The following TM9SF3 variants were observed in gnomAD, a reference collection of about 807,000 sequenced individuals.
TM9SF3 encodes the protein SM-11044-binding protein.
TM9SF3 carries 14 observed loss-of-function variants against 78.6 expected under a neutral mutation model. That is an observed-to-expected ratio of 0.18 (90% CI 0.12 to 0.28). TM9SF3 has a LOEUF of 0.28. Ranked by LOEUF, TM9SF3 falls within the 10% of genes least tolerant of loss-of-function variation. The pLI, the probability that TM9SF3 is intolerant of heterozygous loss-of-function variation, is 1.00. For missense variants in TM9SF3, 496 were observed against 721.9 expected (o/e 0.69, Z 3.59); for synonymous variants, 231 against 241.7 (o/e 0.96, Z 0.41).
intron 1 of TM9SF3, among the ~76,000 whole-genome samples, chr10:96,582,586 A>G (rs1848582850): frequency 6.6e-6 from 1 of 152,210 alleles, no homozygotes; most frequent in South Asian, 2.1e-4. Flanking sequence ...AGTTATTAAA[A>G]GCCTGTCTTC....
chr10:96,536,760 A>G (rs576291203), intron 9 of TM9SF3, among the ~76,000 whole-genome samples: 2 of 152,312 alleles, frequency 1.3e-5, no homozygotes, highest in South Asian at 4.2e-4. Flanking sequence ...TACTTAAAGA[A>G]TAGCAAATAC....
Position 96,526,658 on chromosome 10 carries a change from A to C in TM9SF3, c.1702+555T>G, listed in dbSNP as rs866655305. Among the ~76,000 whole-genome samples, 32 of 152,248 alleles carry C rather than the reference A, an allele frequency of 2.1e-4. No homozygotes were observed. The Middle Eastern group carries it at 0.02, about 97-fold the overall frequency. ...GCTTGGGGAACTAGATCAAGGTGGAAAGCATACATATGGTACAGCTAGAAC... is the reference window on the plus strand; with the variant it reads ...GCTTGGGGAACTAGATCAAGGTGGACAGCATACATATGGTACAGCTAGAAC... On this transcript the variant is annotated intron_variant, in intron 14 of 14. Coordinates refer to ENST00000371142, the MANE Select transcript of TM9SF3 (RefSeq NM_020123.4).
intron 1 of TM9SF3, among the ~76,000 whole-genome samples, chr10:96,577,084 T>C (rs1848505141): frequency 6.6e-6 from 1 of 152,136 alleles, no homozygotes; most frequent in African/African-American, 2.4e-5. Context: ...AAGACAGTGT[T>C]TGAACTAAGC....
chr10:96,553,113 C>T, intron 5 of TM9SF3, 54 bp from the exon 6 acceptor site: 1 of 1,497,580 alleles, frequency 6.7e-7, no homozygotes, highest in East Asian at 2.5e-5. Flanking sequence ...CCACAAAATT[C>T]ATAGGTTCCA....
intron 2 of TM9SF3, among the ~76,000 whole-genome samples, chr10:96,566,263 C>T (rs1848368889): frequency 6.6e-6 from 1 of 152,132 alleles, no homozygotes; most frequent in Non-Finnish European, 1.5e-5. Flanking sequence ...AAGTTCTATA[C>T]TATATTTGTA....
At chr10:96,535,455 AT>A (rs1358708735) in intron 9 of TM9SF3, among the ~76,000 whole-genome samples, 1 of 152,254 alleles carries the variant, frequency 6.6e-6, no homozygotes, top group African/African-American at 2.4e-5. Context: ...TTAGATTTGT[AT>A]TCATCACAAC....
At chr10:96,579,518 C>A (rs1258579351) in intron 1 of TM9SF3, among the ~76,000 whole-genome samples, 1 of 152,124 alleles carries the variant, frequency 6.6e-6, no homozygotes, top group African/African-American at 2.4e-5. Context: ...GGGTCCCAGT[C>A]GATGTTAAAC....
chr10:96,568,026 A>G (rs1848398761), intron 2 of TM9SF3, among the ~76,000 whole-genome samples: 1 of 152,254 alleles, frequency 6.6e-6, no homozygotes, highest in Non-Finnish European at 1.5e-5. Context: ...TAACTCATGT[A>G]AAGTCTAGAA....
At chr10:96,556,315 C>T (rs2134146894) in intron 5 of TM9SF3, among the ~76,000 whole-genome samples, 1 of 152,280 alleles carries the variant, frequency 6.6e-6, no homozygotes, top group Non-Finnish European at 1.5e-5. Context: ...GTGCCAAACA[C>T]TGAACTAGGT....
intron 5 of TM9SF3, 106 bp from the exon 6 acceptor site, chr10:96,553,165 TTAA>T (rs1211299090): frequency 7.3e-6 from 9 of 1,230,338 alleles, no homozygotes; most frequent in Non-Finnish European, 9.7e-6. Flanking sequence ...AAAAAAGTCT[TTAA>T]TTAAATCCTT....
chr10:96,559,906 A>C (rs1032093793), intron 4 of TM9SF3, among the ~76,000 whole-genome samples, 170 bp from the exon 5 acceptor site: 1 of 152,224 alleles, frequency 6.6e-6, no homozygotes, highest in African/African-American at 2.4e-5. Context: ...TGATAAAACT[A>C]ATCAACTTTT....
rs1031727089 is a variant in TM9SF3, at chr10:96,560,158, T to C, written c.583-422A>G. The C allele has an allele frequency of 3.8e-6, 3 of 782,158 alleles. No individual in the cohort carries two copies. In the Admixed American group the frequency reaches 5.2e-5, roughly 14 times the overall value. 48.5% of individuals were successfully genotyped at this position (782,158 alleles called of 1,614,324 possible). Reference sequence around the variant, plus strand: ...GTCATTTATCTCCGTCTGCCTTCTTTCCCACCTAAATGCGTGCTGCCACCC... The same window carrying C: ...GTCATTTATCTCCGTCTGCCTTCTTCCCCACCTAAATGCGTGCTGCCACCC... On this transcript the variant is annotated intron_variant, in intron 4 of 14. Coordinates refer to ENST00000371142, the MANE Select transcript of TM9SF3 (RefSeq NM_020123.4).
chr10:96,547,277 T>G (rs1331799754), intron 8 of TM9SF3, among the ~76,000 whole-genome samples: 1 of 152,236 alleles, frequency 6.6e-6, no homozygotes, highest in Non-Finnish European at 1.5e-5. Flanking sequence ...TATATTCATC[T>G]ATAAAGCTTT....
At chr10:96,530,434 GATT>G (rs1483189421) in intron 11 of TM9SF3, 103 bp downstream of exon 11, 5 of 865,024 alleles carry the variant, frequency 5.8e-6, no homozygotes, top group East Asian at 5.5e-5. Context: ...GGAATTAACA[GATT>G]ATTAGATGTT....
intron 11 of TM9SF3, among the ~76,000 whole-genome samples, chr10:96,529,316 C>A (rs1228884238): frequency 6.6e-6 from 1 of 152,054 alleles, no homozygotes; most frequent in African/African-American, 2.4e-5. Flanking sequence ...TACCATTAGA[C>A]TAAACTGACT....
intron 2 of TM9SF3, among the ~76,000 whole-genome samples, chr10:96,575,536 A>C (rs573355399): frequency 3.0e-4 from 46 of 152,314 alleles, no homozygotes; most frequent in Admixed American, 2.0e-3. Context: ...TTTTAAAAAC[A>C]AGAATAAAAT....
At chr10:96,562,652 T>C (rs1388626042) in intron 3 of TM9SF3, among the ~76,000 whole-genome samples, 2 of 152,236 alleles carry the variant, frequency 1.3e-5, no homozygotes, top group East Asian at 3.8e-4. Context: ...GTCTCCTTTT[T>C]ATACCTCAAC....
chr10:96,571,050 G>T (rs2134156719), intron 2 of TM9SF3, among the ~76,000 whole-genome samples: 1 of 152,222 alleles, frequency 6.6e-6, no homozygotes, highest in Middle Eastern at 3.4e-3. Context: ...ATGGGAAAAA[G>T]ATTTTAACAA....
At chr10:96,580,574 T>G (rs1848555846) in intron 1 of TM9SF3, among the ~76,000 whole-genome samples, 1 of 152,132 alleles carries the variant, frequency 6.6e-6, no homozygotes, top group East Asian at 1.9e-4. Flanking sequence ...CCCCACTTCA[T>G]CTTCTTTCGT....
Sources: allele counts gnomAD v4.1 joint callset (sites outside exome capture counted in the v4.1 genomes callset), GRCh38; gene constraint gnomAD v4.1.1; transcripts MANE v1.5; gene names NCBI Gene and HGNC (gene_info 2026-07-23, HGNC 2026-07-21).